TNR: variants seen among roughly 807,000 people sequenced by gnomAD.
The protein encoded by TNR is tenascin R.
Under a neutral mutation model 150.4 loss-of-function variants are expected in TNR, and 45 were observed. That is an observed-to-expected ratio of 0.30 (90% CI 0.24 to 0.38). The LOEUF (loss-of-function observed/expected upper bound fraction) is 0.38. Among genes scored for constraint, TNR ranks in the 10% least tolerant of loss-of-function variants. The pLI, the probability that TNR is intolerant of heterozygous loss-of-function variation, is 1.00. For synonymous variants in TNR, 687 were observed against 678.4 expected (o/e 1.01, Z -0.20); for missense variants, 1,544 against 1,759.1 (o/e 0.88, Z 2.19).
At chr1:175,378,586 G>C (rs1652520639) in intron 9 of TNR, among the ~76,000 whole-genome samples, 1 of 152,260 alleles carries the variant, frequency 6.6e-6, no homozygotes, top group Non-Finnish European at 1.5e-5. Context: ...TAACCTGGGA[G>C]TGGAAAGGGA....
At chr1:175,469,221 C>T (rs1300389129) in intron 2 of TNR, among the ~76,000 whole-genome samples, 1 of 152,110 alleles carries the variant, frequency 6.6e-6, no homozygotes, top group Non-Finnish European at 1.5e-5. Flanking sequence ...GCACCTTGTT[C>T]TCTGGATCCC....
chr1:175,393,294 A>G (rs1481865061), intron 6 of TNR, among the ~76,000 whole-genome samples: 5 of 152,226 alleles, frequency 3.3e-5, no homozygotes. Flanking sequence ...CAGGAGAGCC[A>G]AGGTGTTTTG....
intron 2 of TNR, among the ~76,000 whole-genome samples, chr1:175,470,248 T>C (rs1657228495): frequency 6.6e-6 from 1 of 151,998 alleles, no homozygotes; most frequent in Non-Finnish European, 1.5e-5. Context: ...GGCCTTGGAA[T>C]GGATTAGATC....
chr1:175,559,001 G>T (rs1321367082), intron 1 of TNR, among the ~76,000 whole-genome samples: 2 of 152,180 alleles, frequency 1.3e-5, no homozygotes, highest in Non-Finnish European at 2.9e-5. Context: ...AGCTAGGAAG[G>T]TTGTGCGTGT....
intron 1 of TNR, among the ~76,000 whole-genome samples, chr1:175,670,239 C>T (rs1665656296): frequency 6.6e-6 from 1 of 152,210 alleles, no homozygotes; most frequent in Admixed American, 6.5e-5. Context: ...ACTTCATTAA[C>T]CCCTGAGAGC....
At chr1:175,634,905 C>G (rs1257846080) in intron 1 of TNR, among the ~76,000 whole-genome samples, 1 of 152,166 alleles carries the variant, frequency 6.6e-6, no homozygotes, top group East Asian at 1.9e-4. Flanking sequence ...AAGAGGTTGT[C>G]ATGGCTATTC....
chr1:175,434,264 T>A (rs902071103), intron 2 of TNR, among the ~76,000 whole-genome samples: 1 of 152,172 alleles, frequency 6.6e-6, no homozygotes, highest in African/African-American at 2.4e-5. Flanking sequence ...CCACCTTTTA[T>A]GTTAGCATAT....
intron 4 of TNR, among the ~76,000 whole-genome samples, chr1:175,398,574 G>A (rs186108012): frequency 6.6e-6 from 1 of 152,098 alleles, no homozygotes; most frequent in African/African-American, 2.4e-5. Flanking sequence ...TGATTATACT[G>A]AGCACTTATT....
chr1:175,657,883 A>ATATATATATATATATATATGTGTGTG (rs1464419575), intron 1 of TNR, among the ~76,000 whole-genome samples: 8 of 101,148 alleles, frequency 7.9e-5, no homozygotes, highest in Middle Eastern at 6.0e-3. Context: ...ATATATATAT[A>ATATATATATATATATATATGTGTGTG]TGTAACAAAC....
At chr1:175,706,820 C>T (rs999497899) in intron 1 of TNR, among the ~76,000 whole-genome samples, 1 of 151,978 alleles carries the variant, frequency 6.6e-6, no homozygotes, top group South Asian at 2.1e-4. Flanking sequence ...CTCCTTACCC[C>T]CAAAAAAACC....
chr1:175,656,863 A>G (rs188857668), intron 1 of TNR, among the ~76,000 whole-genome samples: 34 of 152,264 alleles, frequency 2.2e-4, no homozygotes, highest in African/African-American at 7.5e-4. Context: ...GTGTAAAAGA[A>G]TGCAAATGTG....
intron 1 of TNR, among the ~76,000 whole-genome samples, chr1:175,687,727 C>T (rs1168686622): frequency 1.3e-5 from 2 of 152,008 alleles, no homozygotes; most frequent in African/African-American, 2.4e-5. Flanking sequence ...CTCCCCACAC[C>T]GAGAAAACAT....
At chr1:175,425,652 A>T (rs1654935666) in intron 2 of TNR, among the ~76,000 whole-genome samples, 1 of 152,222 alleles carries the variant, frequency 6.6e-6, no homozygotes, top group Non-Finnish European at 1.5e-5. Context: ...GAGCAGGGTA[A>T]AATGGCAGCT....
intron 1 of TNR, among the ~76,000 whole-genome samples, chr1:175,547,671 A>G (rs1295928728): frequency 6.6e-6 from 1 of 151,842 alleles, no homozygotes; most frequent in Non-Finnish European, 1.5e-5. Context: ...AGAAAGAAAG[A>G]AAGAGAGAGA....
chr1:175,540,777 C>T (rs1379237842), intron 1 of TNR, among the ~76,000 whole-genome samples: 6 of 152,260 alleles, frequency 3.9e-5, no homozygotes, highest in South Asian at 2.1e-4. Context: ...CCTCCTTTCT[C>T]CTCACTGGGT....
chr1:175,716,462 T>C (rs1438987317), intron 1 of TNR, among the ~76,000 whole-genome samples: 1 of 152,196 alleles, frequency 6.6e-6, no homozygotes, highest in Non-Finnish European at 1.5e-5. Flanking sequence ...TAAGTTCCTG[T>C]GTATGCTCAG....
chr1:175,369,105 T>C (rs1395725923), intron 9 of TNR, among the ~76,000 whole-genome samples: 1 of 152,194 alleles, frequency 6.6e-6, no homozygotes, highest in African/African-American at 2.4e-5. Flanking sequence ...TGGAATGGTA[T>C]TCTGTATTTA....
intron 1 of TNR, among the ~76,000 whole-genome samples, chr1:175,717,029 A>G (rs1371868979): frequency 2.0e-5 from 3 of 152,134 alleles, no homozygotes; most frequent in Non-Finnish European, 1.5e-5. Flanking sequence ...TACATTAGCC[A>G]TAGTGTATGC....
intron 4 of TNR, among the ~76,000 whole-genome samples, chr1:175,402,444 A>T (rs568207930): frequency 6.6e-6 from 1 of 150,852 alleles, no homozygotes; most frequent in Admixed American, 6.6e-5. Context: ...TGTAGACTAT[A>T]CATAGGGTTG....
Sources: allele counts gnomAD v4.1 joint callset (sites outside exome capture counted in the v4.1 genomes callset), GRCh38; gene constraint gnomAD v4.1.1; transcripts MANE v1.5; gene names NCBI Gene and HGNC (gene_info 2026-07-23, HGNC 2026-07-21).